Variants in ARID1B observed in about 807,000 individuals in gnomAD.
The protein encoded by ARID1B is AT-rich interaction domain 1B, also known as AT-rich interactive domain-containing protein 1B.
ARID1B carries 30 observed loss-of-function variants against 212.3 expected under a neutral mutation model. The ratio of observed to expected loss-of-function variants is 0.14; its 90% CI spans 0.11 to 0.19. The LOEUF (loss-of-function observed/expected upper bound fraction) is 0.19, where lower values mean the gene tolerates loss of function less well. Ranked by LOEUF, ARID1B falls within the 10% of genes least tolerant of loss-of-function variation. ARID1B has a pLI of 1.00. For missense variants in ARID1B, 2,891 were observed against 3,204.0 expected (o/e 0.90, Z 2.36); for synonymous variants, 1,402 against 1,301.7 (o/e 1.08, Z -1.66).
intron 4 of ARID1B, among the ~76,000 whole-genome samples, chr6:157,022,130 A>ATAGGGCGGGGAGG (rs1381991856): frequency 3.4e-5 from 5 of 148,326 alleles, no homozygotes; most frequent in African/African-American, 1.2e-4. Flanking sequence ...GCCGCCAAGA[A>ATAGGGCGGGGAGG]CAGGGCGGGG....
At chr6:156,904,404 A>C (rs1039773570) in intron 3 of ARID1B, among the ~76,000 whole-genome samples, 1 of 152,300 alleles carries the variant, frequency 6.6e-6, no homozygotes, top group Non-Finnish European at 1.5e-5. Flanking sequence ...GGACATTTAG[A>C]TTAGTTCTGG....
At chr6:156,789,011 T>C (rs1015438634) in intron 1 of ARID1B, among the ~76,000 whole-genome samples, 2 of 152,216 alleles carry the variant, frequency 1.3e-5, no homozygotes, top group African/African-American at 4.8e-5. Context: ...TCTGTAGTTC[T>C]TATGCAAAAA....
In ARID1B at chr6:156,790,729, C is replaced by T. The variant is rs541583415; in HGVS notation, c.1791+11258C>T. Among the ~76,000 whole-genome samples the T allele has an allele frequency of 2.4e-4, 36 of 152,278 alleles. No homozygotes were observed. The South Asian group carries it at 6.0e-3, about 25-fold the overall frequency. ...TGATGCAGAACGCATTTCAGGAAGG[C>T]GCCATGCATACAGGAGGCAGAGACA... On this transcript the variant is annotated intron_variant, in intron 1 of 19. Transcript: ENST00000636930.
At chr6:157,021,774 G>C (rs1780303226) in intron 4 of ARID1B, among the ~76,000 whole-genome samples, 1 of 151,922 alleles carries the variant, frequency 6.6e-6, no homozygotes, top group Non-Finnish European at 1.5e-5. Context: ...GCGGCCGCTC[G>C]CACAGCGTGT....
rs145832771 is a variant in ARID1B, at chr6:157,073,801, A to G, written c.2248-10861A>G. ...CATGTTATTATTCAACACCTTTATC[A>G]CAGTAAGTATTTAACGAGCACAGAT... is the stretch of plus-strand genomic sequence containing the variant. On this transcript the variant is annotated intron_variant, in intron 4 of 19. Coordinates refer to ENST00000636930, the MANE Select transcript of ARID1B (RefSeq NM_001374828.1). Among the ~76,000 whole-genome samples, 282 of 152,304 alleles carry G rather than the reference A, an allele frequency of 1.9e-3. 1 individual carries two copies. The highest frequency in any genetic ancestry group is 6.5e-3 in the African/African-American group (270 of 41,566).
chr6:156,845,608 C>G (rs990950040), intron 2 of ARID1B, among the ~76,000 whole-genome samples: 2 of 152,098 alleles, frequency 1.3e-5, no homozygotes, highest in Non-Finnish European at 2.9e-5. Flanking sequence ...AGGGCCCCTT[C>G]TTTGGTATGT....
Position 157,201,562 on chromosome 6 carries a change from T to C in ARID1B, c.5263+74T>C. On this transcript the variant is annotated intron_variant, in intron 18 of 19. Coordinates refer to ENST00000636930, the MANE Select transcript of ARID1B (RefSeq NM_001374828.1). The surrounding 1 kb of genome is among the most constrained non-coding windows in gnomAD (Gnocchi z 5.2). ...AGAATTTTAATTTTAGTAAAGATGC[T>C]GTTCCTGCTCATCTTAAAGGGATGA... 1 of 1,443,078 alleles carries C rather than the reference T, an allele frequency of 6.9e-7. No individual in the cohort carries two copies. The highest frequency in any genetic ancestry group is 9.2e-7 in the Non-Finnish European group (1 of 1,086,114). 89.4% of individuals were successfully genotyped at this position (1,443,078 alleles called of 1,614,324 possible).
intron 2 of ARID1B, among the ~76,000 whole-genome samples, chr6:156,894,471 A>G (rs546674964): frequency 6.6e-6 from 1 of 152,344 alleles, no homozygotes; most frequent in Non-Finnish European, 1.5e-5. Flanking sequence ...AAAATGGTCA[A>G]TTTTGTGTAT....
chr6:157,192,872 A>G (rs2128346130), intron 15 of ARID1B, among the ~76,000 whole-genome samples: 1 of 152,370 alleles, frequency 6.6e-6, no homozygotes, highest in East Asian at 1.9e-4. Flanking sequence ...TTACTCTGTC[A>G]GTAAACTTAA....
chr6:156,980,950 A>G (rs1273209307), intron 4 of ARID1B, among the ~76,000 whole-genome samples: 2 of 152,260 alleles, frequency 1.3e-5, no homozygotes, highest in Non-Finnish European at 2.9e-5. Flanking sequence ...CAATTTCATG[A>G]TAAATCTAGT....
At chr6:156,980,490 A>T (rs1777541257) in intron 4 of ARID1B, among the ~76,000 whole-genome samples, 2 of 152,032 alleles carry the variant, frequency 1.3e-5, no homozygotes, top group Admixed American at 6.6e-5. Context: ...TCTCAAAAAC[A>T]AAACAAAACA....
At chr6:156,793,668 T>A (rs918862327) in intron 1 of ARID1B, among the ~76,000 whole-genome samples, 1 of 152,200 alleles carries the variant, frequency 6.6e-6, no homozygotes, top group African/African-American at 2.4e-5. Context: ...GTGGGCTGCA[T>A]AGGACTGATA....
chr6:156,885,757 T>G (rs1787451754), intron 2 of ARID1B, among the ~76,000 whole-genome samples: 1 of 152,260 alleles, frequency 6.6e-6, no homozygotes, highest in African/African-American at 2.4e-5. Flanking sequence ...AACTTTAAAA[T>G]GGAGTTCCTG....
chr6:156,794,485 G>T (rs1381434364), intron 1 of ARID1B, among the ~76,000 whole-genome samples: 1 of 150,736 alleles, frequency 6.6e-6, no homozygotes, highest in Non-Finnish European at 1.5e-5. Flanking sequence ...CATTCTGGGC[G>T]GCTCAAGCAA....
chr6:157,093,793 A>G (rs1785435270), intron 5 of ARID1B, among the ~76,000 whole-genome samples: 1 of 152,228 alleles, frequency 6.6e-6, no homozygotes, highest in Non-Finnish European at 1.5e-5. Context: ...TGGATATACC[A>G]GGAGATATCC....
intron 3 of ARID1B, among the ~76,000 whole-genome samples, chr6:156,910,602 C>T (rs914183354): frequency 9.9e-5 from 15 of 152,158 alleles, no homozygotes; most frequent in African/African-American, 3.4e-4. Flanking sequence ...ATGTTACTCA[C>T]ATTTATGGCA....
At chr6:157,130,159 A>C (rs112104983) in intron 6 of ARID1B, among the ~76,000 whole-genome samples, 4 of 150,932 alleles carry the variant, frequency 2.7e-5, no homozygotes, top group African/African-American at 9.7e-5. Context: ...ACAGAGTAAG[A>C]CTCCATCTCA....
chr6:156,813,436 G>A (rs555641029), intron 1 of ARID1B, among the ~76,000 whole-genome samples: 9 of 152,046 alleles, frequency 5.9e-5, no homozygotes, highest in African/African-American at 1.7e-4. Context: ...TATTTTAACC[G>A]GACCCTCCTT....
intron 2 of ARID1B, among the ~76,000 whole-genome samples, chr6:156,866,727 G>A (rs1308325314): frequency 6.6e-6 from 1 of 152,154 alleles, no homozygotes; most frequent in Non-Finnish European, 1.5e-5. Context: ...AAATACCTTT[G>A]TAATTTATGT....
Sources: allele counts gnomAD v4.1 joint callset (sites outside exome capture counted in the v4.1 genomes callset), GRCh38; gene constraint gnomAD v4.1.1; non-coding constraint Gnocchi (gnomAD v3.1); transcripts MANE v1.5; gene names NCBI Gene and HGNC (gene_info 2026-07-23, HGNC 2026-07-21).